Variants in PRKAA2 observed in about 807,000 individuals in gnomAD.
PRKAA2 encodes 5'-AMP-activated protein kinase catalytic subunit alpha-2.
A neutral mutation model predicts 56.3 loss-of-function variants in PRKAA2; 40 were observed. That is an observed-to-expected ratio of 0.71 (90% CI 0.55 to 0.92). PRKAA2 has a LOEUF of 0.92. Among genes scored for constraint, PRKAA2 ranks in the 40% least tolerant of loss-of-function variants. PRKAA2 has a pLI of 0.00. For missense variants in PRKAA2, 542 were observed against 686.9 expected (o/e 0.79, Z 2.36); for synonymous variants, 214 against 234.2 (o/e 0.91, Z 0.79).
At chr1:56,655,280 A>ATATATATATATATATTTTTTTTTTT in intron 1 of PRKAA2, among the ~76,000 whole-genome samples, 5 of 93,654 alleles carry the variant, frequency 5.3e-5, no homozygotes, top group African/African-American at 2.3e-4. Context: ...ATATATATAT[A>ATATATATATATATATTTTTTTTTTT]TTTTTTTTTT....
In PRKAA2 at chr1:56,709,725, G is replaced by A. The variant is rs535556552; in HGVS notation, c.*2012G>A. On this transcript the variant is annotated 3_prime_UTR_variant, in exon 9 of 9. Transcript: ENST00000371244. ...AATCCACAAAAATTTTGAAGGCAGA[G>A]AAACAGAAGGAATCCAGTGATGTTT... 1 of 152,214 alleles carries A rather than the reference G, an allele frequency of 6.6e-6. No homozygotes were observed. Among genetic ancestry groups the A allele is most frequent in the South Asian group, 2.1e-4 (1 of 4,828 alleles). 9.4% of individuals were successfully genotyped at this position (152,214 alleles called of 1,614,324 possible).
intron 1 of PRKAA2, among the ~76,000 whole-genome samples, chr1:56,665,717 T>G (rs1324670008): frequency 1.3e-5 from 2 of 152,360 alleles, no homozygotes; most frequent in Middle Eastern, 3.4e-3. Context: ...TCTGTCTTTT[T>G]TATTGTGCTA....
At chr1:56,702,112 AC>A (rs1383620859) in intron 6 of PRKAA2, among the ~76,000 whole-genome samples, 6 of 147,028 alleles carry the variant, frequency 4.1e-5, no homozygotes, top group African/African-American at 1.5e-4. Flanking sequence ...AGATGGAGTT[AC>A]ACTCTTGTTG....
At chr1:56,703,322 A>G (rs1367582580) in intron 6 of PRKAA2, among the ~76,000 whole-genome samples, 1 of 152,242 alleles carries the variant, frequency 6.6e-6, no homozygotes, top group Non-Finnish European at 1.5e-5. Flanking sequence ...TAATTTACTT[A>G]AAAATAACTA....
At chr1:56,702,018 G>T (rs941484549) in intron 6 of PRKAA2, among the ~76,000 whole-genome samples, 1 of 152,024 alleles carries the variant, frequency 6.6e-6, no homozygotes, top group Non-Finnish European at 1.5e-5. Flanking sequence ...TATCCTCAGG[G>T]CCTGGCACAC....
Position 56,691,404 on chromosome 1 carries a change from A to G in PRKAA2, c.247A>G (p.Ile83Val). 1 of 1,611,140 alleles carries G rather than the reference A, an allele frequency of 6.2e-7. No individual in the cohort carries two copies. The change falls in exon 3 of 9, where the codon ATC becomes GTC. Residue 83 changes from isoleucine to valine, a missense_variant. By Grantham distance (29) the Ile-to-Val change is conservative. Transcript: ENST00000371244. ...HPHIIKLYQV[I>V]STPTDFFMVM... ...TAATTAACAAAAAAGATACCAGGTG[A>G]TCAGCACTCCAACAGATTTTTTTAT...
intron 2 of PRKAA2, among the ~76,000 whole-genome samples, chr1:56,683,343 A>G (rs1006634636): frequency 6.6e-6 from 1 of 152,100 alleles, no homozygotes; most frequent in South Asian, 2.1e-4. Context: ...TAGCTCCATA[A>G]TGACATTTGA....
At chr1:56,700,634 T>C (rs74353216) in intron 6 of PRKAA2, among the ~76,000 whole-genome samples, 2,515 of 152,348 alleles carry the variant, frequency 0.017, 71 homozygotes, top group African/African-American at 0.057. Flanking sequence ...CATTGATTTT[T>C]GTTTTTTCTT....
rs367969521 is a variant in PRKAA2, at chr1:56,701,091, A to G, written c.789-2880A>G. Among the ~76,000 whole-genome samples the G allele has an allele frequency of 1.0e-3, 155 of 152,308 alleles. 3 individuals are homozygous for G. In the South Asian group the frequency reaches 0.031, roughly 31 times the overall value. ...TGGTTAATTTCCGGTGTTCTGAAAA[A>G]GTTGATTTTCACAGTTTTTGCTGGT... On this transcript the variant is annotated intron_variant, in intron 6 of 8. Transcript: ENST00000371244.
intron 1 of PRKAA2, among the ~76,000 whole-genome samples, chr1:56,647,424 A>G (rs1206510565): frequency 6.6e-6 from 1 of 152,248 alleles, no homozygotes; most frequent in Non-Finnish European, 1.5e-5. Flanking sequence ...AATGTAGAGT[A>G]GAATACTCAT....
chr1:56,699,441 T>C (rs1395757375), intron 6 of PRKAA2, among the ~76,000 whole-genome samples: 1 of 152,262 alleles, frequency 6.6e-6, no homozygotes, highest in Non-Finnish European at 1.5e-5. Context: ...ACTGCTCACT[T>C]TGGTAGAGTT....
At chr1:56,687,455 G>A (rs1644200081) in intron 2 of PRKAA2, among the ~76,000 whole-genome samples, 1 of 152,110 alleles carries the variant, frequency 6.6e-6, no homozygotes, top group African/African-American at 2.4e-5. Context: ...AAAGAGGTGG[G>A]GAGGAAAGGA....
At chr1:56,706,459 G>A (rs1457333231) in intron 8 of PRKAA2, among the ~76,000 whole-genome samples, 2 of 152,180 alleles carry the variant, frequency 1.3e-5, no homozygotes. Context: ...AGTGTTGGCC[G>A]TGGAGCACAA....
At chr1:56,669,582 A>G (rs1412703918) in intron 1 of PRKAA2, among the ~76,000 whole-genome samples, 1 of 151,914 alleles carries the variant, frequency 6.6e-6, no homozygotes, top group Non-Finnish European at 1.5e-5. Context: ...CTCTCTGCAA[A>G]TTTTTACCCA....
chr1:56,693,665 T>A, intron 4 of PRKAA2, 100 bp from the exon 5 acceptor site: 1 of 669,398 alleles, frequency 1.5e-6, no homozygotes, highest in Non-Finnish European at 2.4e-6. Flanking sequence ...AAAAAAATGA[T>A]ATATGGAGGA....
rs143278068 is a variant in PRKAA2 at position 56,683,285 on chromosome 1, T to G, written c.237-8109T>G. ...TAAATGGAGATATCATCTATCATCT[T>G]TATCTCTCCTGCAACTAGCACAGTA... On this transcript the variant is annotated intron_variant, in intron 2 of 8. Coordinates refer to ENST00000371244, the MANE Select transcript of PRKAA2 (RefSeq NM_006252.4). Among the ~76,000 whole-genome samples, 30 of 152,224 alleles carry G rather than the reference T, an allele frequency of 2.0e-4. 1 individual carries two copies. Among genetic ancestry groups the G allele is most frequent in the African/African-American group, 6.5e-4 (27 of 41,552 alleles).
At chr1:56,697,698 C>T (rs1176993480) in intron 6 of PRKAA2, among the ~76,000 whole-genome samples, 1 of 152,066 alleles carries the variant, frequency 6.6e-6, no homozygotes, top group Non-Finnish European at 1.5e-5. Context: ...GGCAGTGTCT[C>T]ATGCCTGTAA....
chr1:56,696,258 C>T, intron 6 of PRKAA2, 99 bp downstream of exon 6: 1 of 1,091,538 alleles, frequency 9.2e-7, no homozygotes, highest in Non-Finnish European at 1.3e-6. Context: ...CCCTCACCAC[C>T]TCACCCCAGT....
chr1:56,705,253 T>TA (rs1461471896), intron 7 of PRKAA2, among the ~76,000 whole-genome samples: 4 of 152,196 alleles, frequency 2.6e-5, no homozygotes, highest in Non-Finnish European at 4.4e-5. Flanking sequence ...TAAAATCATT[T>TA]AAAAAACAGA....
Sources: gnomAD v4.1 joint callset for allele counts (sites outside exome capture counted in the v4.1 genomes callset) on GRCh38, gnomAD v4.1.1 for gene constraint, MANE v1.5 for transcripts, NCBI Gene and HGNC (gene_info 2026-07-23, HGNC 2026-07-21) for gene names.